The following DAZAP1 variants were observed in gnomAD, a reference collection of about 807,000 sequenced individuals.
The protein encoded by DAZAP1 is DAZ-associated protein 1.
Under a neutral mutation model 60.1 loss-of-function variants are expected in DAZAP1, and 6 were observed. That is an observed-to-expected ratio of 0.10 (90% CI 0.05 to 0.20). The LOEUF (loss-of-function observed/expected upper bound fraction) is 0.20, where lower values mean the gene tolerates loss of function less well. Ranked by LOEUF, DAZAP1 falls within the 10% of genes least tolerant of loss-of-function variation. DAZAP1 has a pLI of 1.00. For missense variants in DAZAP1, 366 were observed against 560.4 expected (o/e 0.65, Z 3.50); for synonymous variants, 235 against 215.9 (o/e 1.09, Z -0.78).
In DAZAP1 at chr19:1,428,283, T is replaced by G. The variant is rs1167757715; in HGVS notation, c.547-559T>G. On this transcript the variant is annotated intron_variant, in intron 7 of 11. Transcript: ENST00000233078. This position sits in a 1 kb window ranked among gnomAD's most constrained non-coding sequence, Gnocchi z 4.0. ...ACATCCATTCCCTCTGACATTAGTT[T>G]TGAGTTAATTGAGATTCTTTAAGCG... 1 of 152,360 alleles carries G rather than the reference T, an allele frequency of 6.6e-6. No individual in the cohort carries two copies. Among genetic ancestry groups the G allele is most frequent in the Non-Finnish European group, 1.5e-5 (1 of 68,156 alleles). The allele number at this position is 152,360 out of a possible 1,614,324, so 9.4% of individuals were successfully genotyped here.
At chr19:1,417,427 A>C (rs2083018732) in intron 1 of DAZAP1, 73 bp from the exon 2 acceptor site, 1 of 1,522,332 alleles carries the variant, frequency 6.6e-7, no homozygotes, top group African/African-American at 1.4e-5. Context: ...TTAAGACCTC[A>C]GCTTGGCTTG....
chr19:1,420,780 C>T (rs553638445), intron 4 of DAZAP1, among the ~76,000 whole-genome samples: 15 of 152,324 alleles, frequency 9.8e-5, no homozygotes, highest in South Asian at 4.1e-4. Flanking sequence ...CTGCTCATTT[C>T]GTCGTCGCTG....
chr19:1,418,722 G>A lies in DAZAP1; in HGVS notation c.294G>A (p.Lys98=). Residue 98 remains lysine, a synonymous_variant, in exon 4 of 12, where the codon AAG becomes AAA. Coordinates refer to ENST00000233078, the MANE Select transcript of DAZAP1 (RefSeq NM_018959.4). This position sits in a 1 kb window ranked among gnomAD's most constrained non-coding sequence, Gnocchi z 5.7. Reference sequence around the variant, plus strand: ...TGCAGCCGGAGAGAACACGGCCGAAGGAAGGATGGGTAAGGGGCTGGGCCG... The same window carrying A: ...TGCAGCCGGAGAGAACACGGCCGAAAGAAGGATGGGTAAGGGGCTGGGCCG... The part of the protein sequence containing the change: ...RGMQPERTRP[K]EGWQKGPRSD... The A allele has an allele frequency of 1.2e-6, 2 of 1,611,414 alleles. No individual in the cohort carries two copies. The highest frequency in any genetic ancestry group is 1.7e-6 in the Non-Finnish European group (2 of 1,178,556).
At chr19:1,413,691 CTT>C (rs1331170576) in intron 1 of DAZAP1, among the ~76,000 whole-genome samples, 1 of 152,240 alleles carries the variant, frequency 6.6e-6, no homozygotes, top group African/African-American at 2.4e-5. Flanking sequence ...CATCCTAGCA[CTT>C]TGGGAGGCCG....
rs113784583 is a variant in DAZAP1, at chr19:1,433,607, T to A, written c.1048+917T>A. The A allele has an allele frequency of 7.3e-6, 5 of 688,526 alleles. No homozygotes were observed. Among genetic ancestry groups the A allele is most frequent in the East Asian group, 5.6e-5 (2 of 35,852 alleles). 42.7% of individuals were successfully genotyped at this position (688,526 alleles called of 1,614,324 possible). On this transcript the variant is annotated intron_variant, in intron 11 of 11. Transcript: ENST00000233078. This position sits in a 1 kb window ranked among gnomAD's most constrained non-coding sequence, Gnocchi z 6.1. ...CCGCATGTGTGGGTTCTTGACCCAC[T>A]CACCACCAAACCCTGGCGTGTCTGA...
chr19:1,411,464 T>C (rs2144704313), intron 1 of DAZAP1, among the ~76,000 whole-genome samples: 1 of 152,340 alleles, frequency 6.6e-6, no homozygotes, highest in South Asian at 2.1e-4. Flanking sequence ...CCGCTGCTCC[T>C]TGTGGTTTAT....
At position 1,418,455 on chromosome 19, in the gene DAZAP1, G is replaced by A; in HGVS notation, c.237+85G>A. 1 of 1,533,888 alleles carries A rather than the reference G, an allele frequency of 6.5e-7. No individual in the cohort carries two copies. The highest frequency in any genetic ancestry group is 1.1e-5 in the South Asian group (1 of 86,992). On this transcript the variant is annotated intron_variant, in intron 3 of 11. Coordinates refer to ENST00000233078, the MANE Select transcript of DAZAP1 (RefSeq NM_018959.4). The surrounding 1 kb of genome is among the most constrained non-coding windows in gnomAD (Gnocchi z 5.7). ...CATTTTTTCCTGGACTCTGACCGAT[G>A]TTTGCGTTAGAGTATGTTTGAACGT...
chr19:1,413,404 A>G (rs2082883535), intron 1 of DAZAP1, among the ~76,000 whole-genome samples: 1 of 152,256 alleles, frequency 6.6e-6, no homozygotes, highest in Non-Finnish European at 1.5e-5. Flanking sequence ...GTTGGCAGCC[A>G]GGAGCTTTCT....
At position 1,433,691 on chromosome 19, in the gene DAZAP1, TTGG is replaced by T. The variant is rs747333163; in HGVS notation, c.1048+1005_1048+1007del. Reference sequence around the variant, plus strand: ...GCGTGGCGTGTGTCAGCCGCTGCTCTTGGTGGCGGCTGCTTGGGTTGGTCACCC... The same window carrying T: ...GCGTGGCGTGTGTCAGCCGCTGCTCTTGGCGGCTGCTTGGGTTGGTCACCC... On this transcript the variant is annotated intron_variant, in intron 11 of 11. Transcript: ENST00000233078. The surrounding 1 kb of genome is among the most constrained non-coding windows in gnomAD (Gnocchi z 6.1). 5.3e-6 allele frequency: 8 copies of T among 1,511,942 alleles called. No homozygotes were observed. The East Asian group carries it at 1.4e-4, about 26-fold the overall frequency. 93.7% of individuals were successfully genotyped at this position (1,511,942 alleles called of 1,614,324 possible). A position where few individuals can be genotyped will look rare whatever the true frequency, so the allele number is the denominator to read the frequency against.
At position 1,418,847 on chromosome 19, in the gene DAZAP1, T is replaced by C. The variant is rs752249884; in HGVS notation, c.303+116T>C. The C allele has an allele frequency of 1.4e-5, 15 of 1,098,630 alleles. No individual in the cohort carries two copies. Among genetic ancestry groups the C allele is most frequent in the Non-Finnish European group, 2.0e-5 (15 of 764,192 alleles). The allele number at this position is 1,098,630 out of a possible 1,614,324, so 68.1% of individuals were successfully genotyped here. ...AAGATTGAGGGCGACGCAGGTCTTC[T>C]GGGTTGGCACTCGAGCAGCTGAGGA... On this transcript the variant is annotated intron_variant, in intron 4 of 11. Transcript: ENST00000233078. This position sits in a 1 kb window ranked among gnomAD's most constrained non-coding sequence, Gnocchi z 5.7.
In DAZAP1 at chr19:1,423,264, A is replaced by G. The variant is rs1306100339; in HGVS notation, c.463+868A>G. Reference sequence around the variant, plus strand: ...CCACGGTTAGGAGTGCTCCTCCTCCATGTCGGTTACGCTGTTAAGTCTTAG... The same window carrying G: ...CCACGGTTAGGAGTGCTCCTCCTCCGTGTCGGTTACGCTGTTAAGTCTTAG... On this transcript the variant is annotated intron_variant, in intron 6 of 11. Transcript: ENST00000233078. This position sits in a 1 kb window ranked among gnomAD's most constrained non-coding sequence, Gnocchi z 6.8. Among the ~76,000 whole-genome samples, 1 of 152,250 alleles carries G rather than the reference A, an allele frequency of 6.6e-6. No homozygotes were observed. Among genetic ancestry groups the G allele is most frequent in the Non-Finnish European group, 1.5e-5 (1 of 68,042 alleles).
At chr19:1,414,824 T>C (rs1057370973) in intron 1 of DAZAP1, among the ~76,000 whole-genome samples, 1 of 149,408 alleles carries the variant, frequency 6.7e-6, no homozygotes, top group Non-Finnish European at 1.5e-5. Flanking sequence ...GTATTTTTTA[T>C]TTTTTTTTTA....
At chr19:1,430,529 T>C (rs1298988867) in intron 10 of DAZAP1, among the ~76,000 whole-genome samples, 167 bp downstream of exon 10, 1 of 152,126 alleles carries the variant, frequency 6.6e-6, no homozygotes, top group Non-Finnish European at 1.5e-5. Flanking sequence ...GCAGATGGGC[T>C]CCATCGCCTG....
In DAZAP1 at chr19:1,418,561, C is replaced by T. The variant is rs895212080; in HGVS notation, c.238-105C>T. On this transcript the variant is annotated intron_variant, in intron 3 of 11. Coordinates refer to ENST00000233078, the MANE Select transcript of DAZAP1 (RefSeq NM_018959.4). The surrounding 1 kb of genome is among the most constrained non-coding windows in gnomAD (Gnocchi z 5.7). Reference sequence around the variant, plus strand: ...TACAGGGTGAATGGAGCCGGCGGGGCGGGGCGGGCCGGGCTGCTGTGCCGT... The same window carrying T: ...TACAGGGTGAATGGAGCCGGCGGGGTGGGGCGGGCCGGGCTGCTGTGCCGT... 9.6e-5 allele frequency: 142 copies of T among 1,472,332 alleles called. No individual in the cohort carries two copies. In the African/African-American group the frequency reaches 9.9e-4, roughly 10 times the overall value. The allele number at this position is 1,472,332 out of a possible 1,614,324, so 91.2% of individuals were successfully genotyped here.
In DAZAP1 at chr19:1,432,305, G is replaced by A. The variant is rs376653022; in HGVS notation, c.872-209G>A. ...CTGCTGCAGCTCAGCATCCCGCCAC[G>A]CTCCCAGGAGTGTGTGTTTCCTGGG... On this transcript the variant is annotated intron_variant, in intron 10 of 11. Transcript: ENST00000233078. This position sits in a 1 kb window ranked among gnomAD's most constrained non-coding sequence, Gnocchi z 4.9. 4.2e-5 allele frequency: 25 copies of A among 593,078 alleles called. No homozygotes were observed. The highest frequency in any genetic ancestry group is 2.7e-4 in the East Asian group (9 of 33,326). 36.7% of individuals were successfully genotyped at this position (593,078 alleles called of 1,614,324 possible).
chr19:1,421,099 G>A, intron 4 of DAZAP1, 49 bp from the exon 5 acceptor site: 2 of 1,571,116 alleles, frequency 1.3e-6, no homozygotes, highest in African/African-American at 1.3e-5. Flanking sequence ...CTCGCGGGAG[G>A]GTTTGGAGGG....
chr19:1,424,344 TCCTCCC>T (rs1332592084), intron 6 of DAZAP1, among the ~76,000 whole-genome samples: 1,487 of 19,406 alleles, frequency 0.077, 32 homozygotes, highest in Non-Finnish European at 0.099. Flanking sequence ...CTCCCCCTCC[TCCTCCC>T]CCTCCCCCTC....
rs750485022 is a variant in DAZAP1, at chr19:1,425,036, ATTT to A, written c.464-836_464-834del. On this transcript the variant is annotated intron_variant, in intron 6 of 11. Transcript: ENST00000233078. The surrounding 1 kb of genome is among the most constrained non-coding windows in gnomAD (Gnocchi z 5.4). ...CACTCTTGTGTTTGGGAAATGCTAA[ATTT>A]TTTTTGCCTTTAAAATTTTCTGTTT... 2.6e-5 allele frequency among the ~76,000 whole-genome samples: 4 copies of A among 151,742 alleles called. No individual in the cohort carries two copies. Among genetic ancestry groups the A allele is most frequent in the Admixed American group, 6.6e-5 (1 of 15,246 alleles).
Position 1,418,668 on chromosome 19 carries a change from C to G in DAZAP1, c.240C>G (p.Ile80Met). The change falls in exon 4 of 12, where the codon ATC becomes ATG. Residue 80 changes from isoleucine (I) to methionine (M), a missense_variant and splice_region_variant. Ile to Met is a conservative substitution (Grantham distance 10, BLOSUM62 1). Around this residue, in one of 3 missense-constraint regions of DAZAP1, gnomAD observed 98 missense variants for 155.3 expected, o/e 0.63. Coordinates refer to ENST00000233078, the MANE Select transcript of DAZAP1 (RefSeq NM_018959.4). The surrounding 1 kb of genome is among the most constrained non-coding windows in gnomAD (Gnocchi z 5.7). ...AGCTGATTTGAAATTTCCTGCAGAT[C>G]GACCCCAAGCCATGCACACCCCGGG... ...SRPHTLDGRNIDPKPCTPRGM... is the reference protein window; with the variant it reads ...SRPHTLDGRNMDPKPCTPRGM... 1 of 1,613,968 alleles carries G rather than the reference C, an allele frequency of 6.2e-7. No homozygotes were observed. Among genetic ancestry groups the G allele is most frequent in the Non-Finnish European group, 8.5e-7 (1 of 1,179,980 alleles).
Sources: allele counts gnomAD v4.1 joint callset (sites outside exome capture counted in the v4.1 genomes callset), GRCh38; gene constraint gnomAD v4.1.1; regional missense constraint gnomAD v4.1.1; non-coding constraint Gnocchi (gnomAD v3.1); transcripts MANE v1.5; gene names NCBI Gene and HGNC (gene_info 2026-07-23, HGNC 2026-07-21).